The following KCNA2 variants were observed in gnomAD, a reference collection of about 807,000 sequenced individuals.
The protein encoded by KCNA2 is potassium voltage-gated channel subfamily A member 2, also known as potassium channel, voltage gated shaker related subfamily A, member 2.
KCNA2 carries 11 observed loss-of-function variants against 33.4 expected under a neutral mutation model. The ratio of observed to expected loss-of-function variants is 0.33; its 90% CI spans 0.21 to 0.55. The LOEUF is 0.55. Ranked by LOEUF, KCNA2 falls within the 20% of genes least tolerant of loss-of-function variation. The pLI, the probability that KCNA2 is intolerant of heterozygous loss-of-function variation, is 0.93. For missense variants in KCNA2, 291 were observed against 621.6 expected (o/e 0.47, Z 5.66); for synonymous variants, 222 against 231.3 (o/e 0.96, Z 0.37).
intron 1 of KCNA2, among the ~76,000 whole-genome samples, chr1:110,614,761 T>C (rs1309562460): frequency 6.6e-6 from 1 of 152,092 alleles, no homozygotes; most frequent in Non-Finnish European, 1.5e-5. Context: ...GCACCATGGG[T>C]CCTCCTACTG....
rs1649215262 is a variant in KCNA2, at chr1:110,598,838, T to C, written c.*4445A>G. 1.0e-6 allele frequency: 1 copy of C among 985,302 alleles called. No individual in the cohort carries two copies. The highest frequency in any genetic ancestry group is 1.7e-5 in the African/African-American group (1 of 57,240). 61.0% of individuals were successfully genotyped at this position (985,302 alleles called of 1,614,324 possible). A position where few individuals can be genotyped will look rare whatever the true frequency, so the allele number is the denominator to read the frequency against. On this transcript the variant is annotated 3_prime_UTR_variant, in exon 3 of 3. Transcript: ENST00000316361. Reference sequence around the variant, plus strand: ...CCTTAATTATTTTCTTAATTAAATGTTGGCTCCTAAAAAGTTTACTCTGAA... The same window carrying C: ...CCTTAATTATTTTCTTAATTAAATGCTGGCTCCTAAAAAGTTTACTCTGAA...
Position 110,599,693 on chromosome 1 carries a change from C to T in KCNA2, c.*3590G>A, listed in dbSNP as rs1480939109. On this transcript the variant is annotated 3_prime_UTR_variant, in exon 3 of 3. Transcript: ENST00000316361. ...CTGTGGGCTTAGAGAATGTTGGGGA[C>T]ATCTTTACCCTGGTCCTGGGCTCAA... The T allele has an allele frequency of 6.1e-6, 6 of 985,280 alleles. No individual in the cohort carries two copies. Among genetic ancestry groups the T allele is most frequent in the Non-Finnish European group, 6.0e-6 (5 of 829,924 alleles). The allele number at this position is 985,280 out of a possible 1,614,324, so 61.0% of individuals were successfully genotyped here. A position where few individuals can be genotyped will look rare whatever the true frequency, so the allele number is the denominator to read the frequency against.
rs1649301664 is a variant in KCNA2 at position 110,600,696 on chromosome 1, C to A, written c.*2587G>T. 2 of 985,258 alleles carry A rather than the reference C, an allele frequency of 2.0e-6. No individual in the cohort carries two copies. Among genetic ancestry groups the A allele is most frequent in the African/African-American group, 3.5e-5 (2 of 57,190 alleles). 61.0% of individuals were successfully genotyped at this position (985,258 alleles called of 1,614,324 possible). On this transcript the variant is annotated 3_prime_UTR_variant, in exon 3 of 3. Transcript: ENST00000316361. ...TAGGCCTCAGATATGGGTTGCTTTA[C>A]CTTCTATTTTCCAAAGATCTGTGTC... is the stretch of plus-strand genomic sequence containing the variant.
At chr1:110,628,782 ATT>A (rs1374273708) in intron 1 of KCNA2, among the ~76,000 whole-genome samples, 1 of 152,206 alleles carries the variant, frequency 6.6e-6, no homozygotes, top group African/African-American at 2.4e-5. Context: ...ATCCCACAGA[ATT>A]CGTCTGTACA....
chr1:110,599,057 C>T lies in KCNA2; in HGVS notation c.*4226G>A. The T allele has an allele frequency of 3.0e-6, 3 of 985,374 alleles. No individual in the cohort carries two copies. The highest frequency in any genetic ancestry group is 3.6e-6 in the Non-Finnish European group (3 of 829,894). The allele number at this position is 985,374 out of a possible 1,614,324, so 61.0% of individuals were successfully genotyped here. ...AAGCACACGTTTTGGACCCATATGT[C>T]CACTCCCTACTGTTGTTACCTTTTC... On this transcript the variant is annotated 3_prime_UTR_variant, in exon 3 of 3. Coordinates refer to ENST00000316361, the MANE Select transcript of KCNA2 (RefSeq NM_004974.4).
At chr1:110,622,703 T>A (rs894154431) in intron 1 of KCNA2, among the ~76,000 whole-genome samples, 3 of 152,132 alleles carry the variant, frequency 2.0e-5, no homozygotes, top group Non-Finnish European at 2.9e-5. Context: ...CAACAAACAA[T>A]TATAAATTGA....
At chr1:110,617,054 T>C (rs1650090122) in intron 1 of KCNA2, among the ~76,000 whole-genome samples, 1 of 152,356 alleles carries the variant, frequency 6.6e-6, no homozygotes, top group South Asian at 2.1e-4. Context: ...GAAGTGAAGC[T>C]TGGGCATTCT....
chr1:110,595,726 C>T lies in KCNA2; in HGVS notation c.*7557G>A, dbSNP rs956901870. 3.2e-5 allele frequency: 32 copies of T among 985,284 alleles called. No individual in the cohort carries two copies. In the African/African-American group the frequency reaches 5.6e-4, roughly 17 times the overall value. The allele number at this position is 985,284 out of a possible 1,614,324, so 61.0% of individuals were successfully genotyped here. On this transcript the variant is annotated 3_prime_UTR_variant, in exon 3 of 3. Transcript: ENST00000316361. ...AATTTCAGCTGCTCTAATACCCACA[C>T]CCTCAACTTAGGTTTAGTCATAATA...
chr1:110,629,669 G>A (rs1213701831), intron 1 of KCNA2, among the ~76,000 whole-genome samples: 2 of 152,208 alleles, frequency 1.3e-5, no homozygotes, highest in East Asian at 3.8e-4. Flanking sequence ...AGCACACTGA[G>A]CATCTGGTGT....
chr1:110,615,482 C>T (rs1469188168), intron 1 of KCNA2, among the ~76,000 whole-genome samples: 2 of 152,164 alleles, frequency 1.3e-5, no homozygotes, highest in Non-Finnish European at 2.9e-5. Context: ...TCCTAAGTCC[C>T]CTACTCCCAA....
At chr1:110,620,184 C>T (rs1376077489) in intron 1 of KCNA2, among the ~76,000 whole-genome samples, 1 of 152,138 alleles carries the variant, frequency 6.6e-6, no homozygotes, top group East Asian at 1.9e-4. Context: ...TCACACATCC[C>T]GGCCTCTCCT....
chr1:110,600,676 C>G lies in KCNA2; in HGVS notation c.*2607G>C. 1 of 985,412 alleles carries G rather than the reference C, an allele frequency of 1.0e-6. No individual in the cohort carries two copies. The highest frequency in any genetic ancestry group is 1.2e-6 in the Non-Finnish European group (1 of 829,932). The allele number at this position is 985,412 out of a possible 1,614,324, so 61.0% of individuals were successfully genotyped here. A position where few individuals can be genotyped will look rare whatever the true frequency, so the allele number is the denominator to read the frequency against. On this transcript the variant is annotated 3_prime_UTR_variant, in exon 3 of 3. Transcript: ENST00000316361. The stretch of plus-strand genomic sequence containing the variant: ...TAAGATATCTATCCCTGACCTAGGC[C>G]TCAGATATGGGTTGCTTTACCTTCT...
upstream of KCNA2, among the ~76,000 whole-genome samples, chr1:110,608,994 G>C (rs750784788): frequency 9.9e-5 from 15 of 152,078 alleles, no homozygotes; most frequent in Non-Finnish European, 2.1e-4. Flanking sequence ...CAATCACCAG[G>C]TCCTTGTTGC....
chr1:110,603,598 C>T lies in KCNA2; in HGVS notation c.1185G>A (p.Ala395=), dbSNP rs78349687. The part of the protein sequence containing the change: ...IGGKIVGSLC[A]IAGVLTIALP... Reference sequence around the variant, plus strand: ...AGGCAATAGTTAACACACCTGCAATCGCACATAGGGAACCCACTATCTTTC... The same window carrying T: ...AGGCAATAGTTAACACACCTGCAATTGCACATAGGGAACCCACTATCTTTC... The change falls in exon 3 of 3, where the codon GCG becomes GCA. Residue 395 remains alanine, a synonymous_variant. Coordinates refer to ENST00000316361, the MANE Select transcript of KCNA2 (RefSeq NM_004974.4). This position sits in a 1 kb window ranked among gnomAD's most constrained non-coding sequence, Gnocchi z 5.7. 127 of 1,613,964 alleles carry T rather than the reference C, an allele frequency of 7.9e-5. 4 individuals carry two copies. The Admixed American group carries it at 2.0e-3, about 26-fold the overall frequency.
rs1649111967 is a variant in KCNA2 at position 110,596,678 on chromosome 1, T to A, written c.*6605A>T. ...CTACTTAACTAAGGCAGGAAAGTTA[T>A]GCTAACCTACTTAGGAAATATTTTT... On this transcript the variant is annotated 3_prime_UTR_variant, in exon 3 of 3. Transcript: ENST00000316361. 1.0e-6 allele frequency: 1 copy of A among 954,274 alleles called. No individual in the cohort carries two copies. The highest frequency in any genetic ancestry group is 1.2e-6 in the Non-Finnish European group (1 of 801,656). 59.1% of individuals were successfully genotyped at this position (954,274 alleles called of 1,614,324 possible). A position where few individuals can be genotyped will look rare whatever the true frequency, so the allele number is the denominator to read the frequency against.
intron 1 of KCNA2, among the ~76,000 whole-genome samples, chr1:110,615,039 G>C (rs1259821108): frequency 6.6e-6 from 1 of 152,226 alleles, no homozygotes; most frequent in South Asian, 2.1e-4. Flanking sequence ...CTGAGTCCAA[G>C]AAGGGTCATT....
intron 1 of KCNA2, among the ~76,000 whole-genome samples, chr1:110,616,891 A>G (rs1368190692): frequency 2.0e-5 from 3 of 152,262 alleles, no homozygotes; most frequent in Admixed American, 6.5e-5. Flanking sequence ...AGAATTGTCA[A>G]CAATTGACTC....
chr1:110,598,509 C>T lies in KCNA2; in HGVS notation c.*4774G>A. The T allele has an allele frequency of 1.0e-6, 1 of 985,328 alleles. No individual in the cohort carries two copies. 61.0% of individuals were successfully genotyped at this position (985,328 alleles called of 1,614,324 possible). ...TGGGTTGATACTGATAGAGTCCTCA[C>T]TATAATATAGTGAGAGATCCAGGAA... On this transcript the variant is annotated 3_prime_UTR_variant, in exon 3 of 3. Transcript: ENST00000316361.
intron 1 of KCNA2, among the ~76,000 whole-genome samples, chr1:110,624,696 C>T (rs1374018245): frequency 6.6e-6 from 1 of 152,108 alleles, no homozygotes; most frequent in Non-Finnish European, 1.5e-5. Flanking sequence ...TGCCAACATA[C>T]CAAAAATGGT....
Sources: gnomAD v4.1 joint callset for allele counts (sites outside exome capture counted in the v4.1 genomes callset) on GRCh38, gnomAD v4.1.1 for gene constraint, Gnocchi (gnomAD v3.1) non-coding constraint, MANE v1.5 for transcripts, NCBI Gene and HGNC (gene_info 2026-07-23, HGNC 2026-07-21) for gene names.